The following RYR1 variants were observed in gnomAD, a reference collection of about 807,000 sequenced individuals.
The protein encoded by RYR1 is ryanodine receptor 1.
A neutral mutation model predicts 583.5 loss-of-function variants in RYR1; 342 were observed. That is an observed-to-expected ratio of 0.59 (90% CI 0.54 to 0.64). The LOEUF (loss-of-function observed/expected upper bound fraction) is 0.64, where lower values mean the gene tolerates loss of function less well. Among genes scored for constraint, RYR1 ranks in the 30% least tolerant of loss-of-function variants. The probability of loss-of-function intolerance (pLI) is 0.00; values close to 1 mark genes in which losing one functional copy is unlikely to be tolerated. For missense variants in RYR1, 6,032 were observed against 6,917.2 expected (o/e 0.87, Z 4.54); for synonymous variants, 2,791 against 2,822.5 (o/e 0.99, Z 0.35).
chr19:38,473,368 C>A lies in RYR1; in HGVS notation c.3766-9C>A. On this transcript the variant is annotated splice_polypyrimidine_tract_variant and intron_variant, in intron 27 of 105. Transcript: ENST00000359596. ...GCCCAGCCCAGTACTCCATTCCCTG[C>A]CACCTCAGGTATCCCGAGTGGACGG... The A allele has an allele frequency of 6.2e-7, 1 of 1,613,754 alleles. No individual in the cohort carries two copies. Among genetic ancestry groups the A allele is most frequent in the Non-Finnish European group, 8.5e-7 (1 of 1,179,952 alleles).
Position 38,433,740 on chromosome 19 carries a change from A to AACCCCCCC in RYR1, c.-90_-89insACCCCCCC. On this transcript the variant is annotated 5_prime_UTR_variant, in exon 1 of 106. Transcript: ENST00000359596. The stretch of plus-strand genomic sequence containing the variant: ...CCTCTGGTGTCTCCAGAGGTCTCCG[A>AACCCCCCC]CCCCAGCCCGCCCCCAGCCCTCCCG... 2.8e-6 allele frequency: 2 copies of AACCCCCCC among 705,102 alleles called. No homozygotes were observed. The highest frequency in any genetic ancestry group is 2.6e-6 in the Non-Finnish European group (1 of 386,430). 43.7% of individuals were successfully genotyped at this position (705,102 alleles called of 1,614,324 possible).
Position 38,504,234 on chromosome 19 carries a change from C to T in RYR1, c.7941C>T (p.His2647=). ...TTCCCACCCAGCTCCTCACCAACCA[C>T]TATGAGCGCTGTTGGAAGTACTACT... is the stretch of plus-strand genomic sequence containing the variant. The part of the protein sequence containing the change: ...AKMPLKLLTN[H]YERCWKYYCL... Residue 2647 remains histidine (H), a synonymous_variant, in exon 50 of 106, where the codon CAC becomes CAT. Coordinates refer to ENST00000359596, the MANE Select transcript of RYR1 (RefSeq NM_000540.3). 6.2e-7 allele frequency: 1 copy of T among 1,613,680 alleles called. No homozygotes were observed. The highest frequency in any genetic ancestry group is 8.5e-7 in the Non-Finnish European group (1 of 1,179,860).
chr19:38,485,753 G>A lies in RYR1; in HGVS notation c.5098G>A (p.Ala1700Thr), dbSNP rs751849934. The A allele has an allele frequency of 6.2e-6, 10 of 1,612,826 alleles. No homozygotes were observed. The highest frequency in any genetic ancestry group is 1.1e-5 in the South Asian group (1 of 91,088). Residue 1700 changes from alanine to threonine, a missense_variant, in exon 34 of 106, where the codon GCG becomes ACG. Coordinates refer to ENST00000359596, the MANE Select transcript of RYR1 (RefSeq NM_000540.3). The stretch of plus-strand genomic sequence containing the variant: ...TCAGCTGCTGCACGCCCTGGAGGAC[G>A]CGCACCTGCCAGGCCCACTGCGCGC... ...QAQLLHALED[A>T]HLPGPLRAGY...
chr19:38,478,407 G>C, intron 30 of RYR1, 28 bp from the exon 31 acceptor site: 1 of 1,610,556 alleles, frequency 6.2e-7, no homozygotes, highest in Non-Finnish European at 8.5e-7. Context: ...CACATGAGGA[G>C]TGCAGTGACC....
rs1973316965 is a variant in RYR1 at position 38,564,891 on chromosome 19, C to A, written c.12625-68C>A. Reference sequence around the variant, plus strand: ...CCGCGGTGACCCCTTGTAGCTGCCACTGCGCTGTCGCTGCTGTCCGAGCCC... The same window carrying A: ...CCGCGGTGACCCCTTGTAGCTGCCAATGCGCTGTCGCTGCTGTCCGAGCCC... On this transcript the variant is annotated intron_variant, in intron 90 of 105. Coordinates refer to ENST00000359596, the MANE Select transcript of RYR1 (RefSeq NM_000540.3). 4 of 1,535,328 alleles carry A rather than the reference C, an allele frequency of 2.6e-6. No individual in the cohort carries two copies. The Admixed American group carries it at 5.9e-5, about 23-fold the overall frequency.
chr19:38,534,602 G>A (rs1407831947), intron 78 of RYR1, 118 bp from the exon 79 acceptor site: 1 of 849,128 alleles, frequency 1.2e-6, no homozygotes, highest in Non-Finnish European at 2.0e-6. Flanking sequence ...GGAGCTCATG[G>A]TTGAAGGAGT....
Position 38,483,502 on chromosome 19 carries a change from C to T in RYR1, c.4920C>T (p.Ile1640=). The stretch of plus-strand genomic sequence containing the variant: ...CGCTGACCATGATGGCGCTGCACAT[C>T]CCCGAGGAGAACCGGTCAGGGCCAG... ...QEPLTMMALH[I]PEENRCMDIL... The change falls in exon 33 of 106, where the codon ATC becomes ATT. Residue 1640 remains isoleucine (I), a synonymous_variant. Coordinates refer to ENST00000359596, the MANE Select transcript of RYR1 (RefSeq NM_000540.3). The surrounding 1 kb of genome is among the most constrained non-coding windows in gnomAD (Gnocchi z 6.3). 3 of 1,551,178 alleles carry T rather than the reference C, an allele frequency of 1.9e-6. No individual in the cohort carries two copies. Among genetic ancestry groups the T allele is most frequent in the Non-Finnish European group, 2.6e-6 (3 of 1,152,042 alleles).
chr19:38,561,089 A>T lies in RYR1; in HGVS notation c.12283-24A>T. 2 of 1,590,454 alleles carry T rather than the reference A, an allele frequency of 1.3e-6. No individual in the cohort carries two copies. Among genetic ancestry groups the T allele is most frequent in the South Asian group, 2.2e-5 (2 of 90,548 alleles). On this transcript the variant is annotated intron_variant, in intron 89 of 105. Transcript: ENST00000359596. The surrounding 1 kb of genome is among the most constrained non-coding windows in gnomAD (Gnocchi z 4.8). Reference sequence around the variant, plus strand: ...GAATTGAGGCTCTCCAGGTCACCCCACTGACCTCCCTGCCCGCCCCCAGGC... The same window carrying T: ...GAATTGAGGCTCTCCAGGTCACCCCTCTGACCTCCCTGCCCGCCCCCAGGC...
intron 26 of RYR1, 39 bp from the exon 27 acceptor site, chr19:38,469,266 A>G (rs1968288959): frequency 6.2e-7 from 1 of 1,609,846 alleles, no homozygotes; most frequent in East Asian, 2.2e-5. Context: ...TGCCCTGCCC[A>G]CCTGCCCTCA....
chr19:38,453,053 C>G (rs375739493), intron 13 of RYR1, 39 bp downstream of exon 13: 27 of 1,602,574 alleles, frequency 1.7e-5, no homozygotes, highest in Non-Finnish European at 2.3e-5. Context: ...CCTGTGGGCC[C>G]AGGGGGCGGG....
At chr19:38,474,660 C>T (rs1417452773) in intron 28 of RYR1, among the ~76,000 whole-genome samples, 4 of 148,712 alleles carry the variant, frequency 2.7e-5, no homozygotes, top group African/African-American at 7.5e-5. Flanking sequence ...CTGCAATCTC[C>T]GCCTCCTGGG....
In RYR1 at chr19:38,505,290, G is replaced by A. The variant is rs778567534; in HGVS notation, c.8311-19G>A. On this transcript the variant is annotated intron_variant, in intron 52 of 105. Coordinates refer to ENST00000359596, the MANE Select transcript of RYR1 (RefSeq NM_000540.3). Reference sequence around the variant, plus strand: ...CCAACTGCTGCCTCCCCCTCACCCTGCCTCCCCTCCATCTCTAGATCCAGA... The same window carrying A: ...CCAACTGCTGCCTCCCCCTCACCCTACCTCCCCTCCATCTCTAGATCCAGA... 1.3e-6 allele frequency: 2 copies of A among 1,574,924 alleles called. No individual in the cohort carries two copies. Among genetic ancestry groups the A allele is most frequent in the South Asian group, 2.2e-5 (2 of 89,328 alleles).
At position 38,573,227 on chromosome 19, in the gene RYR1, G is replaced by A. The variant is rs754600386; in HGVS notation, c.14049G>A (p.Glu4683=). Residue 4683 remains glutamate, a synonymous_variant, in exon 96 of 106, where the codon GAG becomes GAA. Transcript: ENST00000359596. ...AGAAGGAGCTGGCCCGGAAGCTGGAGTTTGATGGCCTGTACATCACGGAGC... is the reference window on the plus strand; with the variant it reads ...AGAAGGAGCTGGCCCGGAAGCTGGAATTTGATGGCCTGTACATCACGGAGC... ...KREKELARKL[E]FDGLYITEQP... The A allele has an allele frequency of 1.9e-6, 3 of 1,613,952 alleles. No individual in the cohort carries two copies. In the African/African-American group the frequency reaches 4.0e-5, roughly 22 times the overall value.
At chr19:38,509,517 A>G (rs559185921) in intron 58 of RYR1, among the ~76,000 whole-genome samples, 5 of 142,912 alleles carry the variant, frequency 3.5e-5, no homozygotes, top group African/African-American at 1.3e-4. Context: ...CAGTGGCGCG[A>G]TCTCAGCTCA....
At chr19:38,535,770 T>G (rs1971936276) in intron 81 of RYR1, 2 of 619,468 alleles carry the variant, frequency 3.2e-6, no homozygotes, top group Admixed American at 2.6e-5. Flanking sequence ...TTTTGCTAAA[T>G]GGGTGGTTTC....
intron 87 of RYR1, among the ~76,000 whole-genome samples, chr19:38,545,050 TCTC>T (rs1189727189): frequency 6.6e-6 from 1 of 151,704 alleles, no homozygotes; most frequent in Admixed American, 6.6e-5. Flanking sequence ...AGGGAAGAGA[TCTC>T]CTCTTTCCTG....
chr19:38,578,349 G>A (rs1674747036), intron 99 of RYR1, 145 bp downstream of exon 99: 1 of 749,074 alleles, frequency 1.3e-6, no homozygotes. Context: ...TCCACACAAG[G>A]CTCCTTATCC....
intron 76 of RYR1, among the ~76,000 whole-genome samples, 174 bp from the exon 77 acceptor site, chr19:38,532,316 T>C (rs928578306): frequency 2.0e-5 from 3 of 151,808 alleles, no homozygotes; most frequent in Non-Finnish European, 4.4e-5. Context: ...AGAGACGGGG[T>C]TTCACCATGT....
chr19:38,436,215 TTTTC>T (rs1972420723), intron 1 of RYR1, among the ~76,000 whole-genome samples: 1 of 151,790 alleles, frequency 6.6e-6, no homozygotes, highest in African/African-American at 2.4e-5. Context: ...CGGCCTTTTT[TTTTC>T]TTTTTGAGAC....
Sources: allele counts gnomAD v4.1 joint callset (sites outside exome capture counted in the v4.1 genomes callset), GRCh38; gene constraint gnomAD v4.1.1; non-coding constraint Gnocchi (gnomAD v3.1); transcripts MANE v1.5; gene names NCBI Gene and HGNC (gene_info 2026-07-23, HGNC 2026-07-21).